ANO10: variants seen among roughly 807,000 people sequenced by gnomAD.
ANO10 encodes anoctamin-10.
Under a neutral mutation model 74.7 loss-of-function variants are expected in ANO10, and 77 were observed. The observed-to-expected ratio is 1.03, with a 90% confidence interval of 0.86 to 1.25. The LOEUF (loss-of-function observed/expected upper bound fraction) is 1.25. Among genes scored for constraint, ANO10 ranks in the 50% most tolerant of loss-of-function variants. The pLI, the probability that ANO10 is intolerant of heterozygous loss-of-function variation, is 0.00. For synonymous variants in ANO10, 279 were observed against 284.9 expected, an observed-to-expected ratio of 0.98 and a Z score of 0.21; for missense variants, 721 against 778.1, an observed-to-expected ratio of 0.93 and a Z score of 0.87.
intron 11 of ANO10, among the ~76,000 whole-genome samples, chr3:43,504,577 T>C (rs1245185910): frequency 6.6e-6 from 1 of 152,010 alleles, no homozygotes; most frequent in Non-Finnish European, 1.5e-5. Context: ...AAAAACAGAT[T>C]AGTTTATGTA....
intron 1 of ANO10, among the ~76,000 whole-genome samples, chr3:43,686,556 G>A (rs1380358677): frequency 6.6e-6 from 1 of 152,170 alleles, no homozygotes; most frequent in African/African-American, 2.4e-5. Flanking sequence ...AAACTGCTAG[G>A]ATGACAGGCG....
intron 1 of ANO10, among the ~76,000 whole-genome samples, chr3:43,651,765 A>G (rs2083790159): frequency 6.6e-6 from 1 of 152,218 alleles, no homozygotes; most frequent in South Asian, 2.1e-4. Flanking sequence ...CATCAGGGGC[A>G]GGTTCTATTT....
chr3:43,439,720 A>C (rs1575808353), intron 11 of ANO10, among the ~76,000 whole-genome samples: 1 of 152,016 alleles, frequency 6.6e-6, no homozygotes, highest in Non-Finnish European at 1.5e-5. Context: ...TCTCACAAAA[A>C]AAATACAGAA....
At chr3:43,450,360 G>A (rs1448468724) in intron 11 of ANO10, among the ~76,000 whole-genome samples, 1 of 152,046 alleles carries the variant, frequency 6.6e-6, no homozygotes, top group African/African-American at 2.4e-5. Context: ...GGGCAACATA[G>A]TGAGACCCTA....
At chr3:43,416,019 T>TAAAAAAAAAAA (rs71616093) in intron 12 of ANO10, among the ~76,000 whole-genome samples, 1 of 142,948 alleles carries the variant, frequency 7.0e-6, no homozygotes, top group Non-Finnish European at 1.5e-5. Context: ...TCCAAGAAGT[T>TAAAAAAAAAAA]AAAAAAAAAA....
chr3:43,418,858 GC>G (rs551249245), intron 12 of ANO10, among the ~76,000 whole-genome samples: 45 of 152,332 alleles, frequency 3.0e-4, no homozygotes, highest in Non-Finnish European at 5.4e-4. Flanking sequence ...GCCAAAACTG[GC>G]CTACAGCCTG....
At chr3:43,432,464 T>C in intron 12 of ANO10, 147 bp downstream of exon 12, 3 of 690,162 alleles carry the variant, frequency 4.3e-6, no homozygotes, top group Non-Finnish European at 7.5e-6. Context: ...ATTTTGGTTT[T>C]GTTATGTCAT....
intron 11 of ANO10, among the ~76,000 whole-genome samples, chr3:43,481,385 T>C (rs374626405): frequency 6.6e-6 from 1 of 152,178 alleles, no homozygotes; most frequent in African/African-American, 2.4e-5. Flanking sequence ...CTAAGACTGA[T>C]ACTCAATTTG....
chr3:43,602,316 G>A (rs780446978), intron 2 of ANO10, among the ~76,000 whole-genome samples: 2 of 152,080 alleles, frequency 1.3e-5, no homozygotes, highest in Non-Finnish European at 2.9e-5. Flanking sequence ...ATAGAAACTG[G>A]CATAACCTTT....
In ANO10 at chr3:43,601,488, G is replaced by A. The variant is rs570068077; in HGVS notation, c.140-907C>T. ...TGGGATTACAGGCATGAGCCACAGC[G>A]CCCGGCCTCAAACTTTTAAAGGTAC... On this transcript the variant is annotated intron_variant, in intron 2 of 12. Transcript: ENST00000292246. 1.9e-4 allele frequency among the ~76,000 whole-genome samples: 29 copies of A among 152,300 alleles called. No homozygotes were observed. In the South Asian group the frequency reaches 3.1e-3, roughly 16 times the overall value.
chr3:43,530,903 T>C (rs2078439057), intron 11 of ANO10, among the ~76,000 whole-genome samples: 1 of 152,150 alleles, frequency 6.6e-6, no homozygotes, highest in African/African-American at 2.4e-5. Context: ...TGTGTGTGTG[T>C]ACAAATAAAA....
At chr3:43,415,833 T>C (rs2092729988) in intron 12 of ANO10, among the ~76,000 whole-genome samples, 1 of 152,158 alleles carries the variant, frequency 6.6e-6, no homozygotes, top group African/African-American at 2.4e-5. Context: ...TGAGCCACCA[T>C]GCCTAGCCAA....
chr3:43,690,488 T>TC (rs1218818144), intron 1 of ANO10: 80 of 154,806 alleles, frequency 5.2e-4, no homozygotes, highest in Non-Finnish European at 1.0e-4. Context: ...AGTCGCCCTC[T>TC]CCCCCTGGCC....
chr3:43,686,390 G>C (rs60177343), intron 1 of ANO10, among the ~76,000 whole-genome samples: 9,193 of 152,052 alleles, frequency 0.06, 462 homozygotes, highest in South Asian at 0.12. Flanking sequence ...GGGCTCAAAG[G>C]ATCCTCCCAC....
At chr3:43,615,051 T>C (rs2083029480) in intron 1 of ANO10, among the ~76,000 whole-genome samples, 1 of 151,220 alleles carries the variant, frequency 6.6e-6, no homozygotes, top group Non-Finnish European at 1.5e-5. Flanking sequence ...AGGTAAAAAA[T>C]GTAAAGTATG....
chr3:43,669,718 T>C (rs1575587110), intron 1 of ANO10, among the ~76,000 whole-genome samples: 1 of 151,530 alleles, frequency 6.6e-6, no homozygotes, highest in Non-Finnish European at 1.5e-5. Context: ...TTTTTAGTTT[T>C]TATTTATTTA....
intron 4 of ANO10, among the ~76,000 whole-genome samples, chr3:43,584,678 T>C (rs184143118): frequency 2.6e-5 from 4 of 152,320 alleles, no homozygotes; most frequent in Admixed American, 2.0e-4. Flanking sequence ...ACATTTGGCA[T>C]AGTCATGGAC....
Position 43,681,114 on chromosome 3 carries a change from A to G in ANO10, c.-12+10403T>C, listed in dbSNP as rs553269598. 3.4e-3 allele frequency among the ~76,000 whole-genome samples: 518 copies of G among 152,300 alleles called. 2 individuals are homozygous for G. Among genetic ancestry groups the G allele is most frequent in the African/African-American group, 0.012 (480 of 41,542 alleles). On this transcript the variant is annotated intron_variant, in intron 1 of 3. Coordinates refer to the ANO10 transcript ENST00000413397. ...AAATGTAAATGGGCTAAATGCTCCAATTAAAAGACACAGACTGGCAAACTG... is the reference window on the plus strand; with the variant it reads ...AAATGTAAATGGGCTAAATGCTCCAGTTAAAAGACACAGACTGGCAAACTG...
intron 12 of ANO10, among the ~76,000 whole-genome samples, chr3:43,376,182 C>A (rs1177745206): frequency 6.6e-6 from 1 of 152,138 alleles, no homozygotes; most frequent in Non-Finnish European, 1.5e-5. Context: ...TAAAAGGGAG[C>A]AGAAACATTA....
Sources: gnomAD v4.1 joint callset for allele counts (sites outside exome capture counted in the v4.1 genomes callset) on GRCh38, gnomAD v4.1.1 for gene constraint, MANE v1.5 for transcripts, NCBI Gene and HGNC (gene_info 2026-07-23, HGNC 2026-07-21) for gene names.